The following TFCP2 variants were observed in gnomAD, a reference collection of about 807,000 sequenced individuals.
The protein encoded by TFCP2 is alpha-globin transcription factor CP2.
A neutral mutation model predicts 73.4 loss-of-function variants in TFCP2; 33 were observed. That is an observed-to-expected ratio of 0.45 (90% CI 0.34 to 0.60). TFCP2 has a LOEUF of 0.60. Ranked by LOEUF, TFCP2 falls within the 20% of genes least tolerant of loss-of-function variation. TFCP2 has a pLI of 0.01. For missense variants in TFCP2, 352 were observed against 604.0 expected (o/e 0.58, Z 4.37); for synonymous variants, 193 against 211.6 (o/e 0.91, Z 0.76).
At chr12:51,161,433 C>G (rs558079662) in intron 1 of TFCP2, among the ~76,000 whole-genome samples, 14 of 151,824 alleles carry the variant, frequency 9.2e-5, no homozygotes, top group Non-Finnish European at 1.5e-4. Context: ...GCAATCCCAG[C>G]ACTTTGGGAG....
intron 1 of TFCP2, among the ~76,000 whole-genome samples, chr12:51,149,041 A>C (rs976056372): frequency 1.4e-5 from 2 of 148,010 alleles, no homozygotes; most frequent in African/African-American, 4.9e-5. Flanking sequence ...AAAAAAAAAA[A>C]CAGAAAGAAA....
rs996340411 is a variant in TFCP2, at chr12:51,173,002, C to G, written c.-580G>C. Reference sequence around the variant, plus strand: ...GAGCCGACTTCTCGCCCTCTGTAGCCCCCCACGGCCTGGAAACATGGAAGG... The same window carrying G: ...GAGCCGACTTCTCGCCCTCTGTAGCGCCCCACGGCCTGGAAACATGGAAGG... On this transcript the variant is annotated 5_prime_UTR_variant, in exon 1 of 15. Transcript: ENST00000257915. The G allele has an allele frequency of 6.5e-6, 1 of 154,126 alleles. No homozygotes were observed. The highest frequency in any genetic ancestry group is 1.4e-5 in the Non-Finnish European group (1 of 69,156). 9.5% of individuals were successfully genotyped at this position (154,126 alleles called of 1,614,324 possible).
chr12:51,165,414 T>TAC (rs1941735950), intron 1 of TFCP2, among the ~76,000 whole-genome samples: 1 of 151,284 alleles, frequency 6.6e-6, no homozygotes, highest in African/African-American at 2.4e-5. Flanking sequence ...ACAGAAAAGA[T>TAC]ATTTGAAAAA....
chr12:51,156,517 T>C (rs1941540401), intron 1 of TFCP2, among the ~76,000 whole-genome samples: 1 of 152,124 alleles, frequency 6.6e-6, no homozygotes, highest in East Asian at 1.9e-4. Context: ...AAATCTCAAC[T>C]TGCGATTTGG....
intron 9 of TFCP2, 165 bp downstream of exon 9, chr12:51,103,990 T>C (rs1253619273): frequency 3.8e-6 from 3 of 782,198 alleles, no homozygotes. Context: ...GTTTCATATC[T>C]TTAGTCCCTA....
At chr12:51,124,661 G>A in intron 1 of TFCP2, 1 of 596,680 alleles carries the variant, frequency 1.7e-6, no homozygotes, top group Admixed American at 2.1e-5. Flanking sequence ...CTTCCAACTT[G>A]CACAGCTCCA....
intron 12 of TFCP2, 41 bp from the exon 13 acceptor site, chr12:51,098,959 G>C: frequency 6.2e-7 from 1 of 1,605,804 alleles, no homozygotes; most frequent in Non-Finnish European, 8.5e-7. Context: ...TACAAAGTTT[G>C]TCCACTCTTA....
chr12:51,152,529 T>C (rs980081993), intron 1 of TFCP2, among the ~76,000 whole-genome samples: 20 of 152,226 alleles, frequency 1.3e-4, no homozygotes, highest in Non-Finnish European at 2.6e-4. Context: ...CATTATACCA[T>C]AGTTATGTAA....
chr12:51,141,729 A>G (rs1282271084), intron 1 of TFCP2, among the ~76,000 whole-genome samples: 1 of 150,614 alleles, frequency 6.6e-6, no homozygotes, highest in East Asian at 2.0e-4. Flanking sequence ...GTGAAAACTC[A>G]TCTCTACTAA....
chr12:51,117,794 T>C (rs775090365), intron 2 of TFCP2, 47 bp from the exon 3 acceptor site: 13 of 1,351,088 alleles, frequency 9.6e-6, no homozygotes, highest in Admixed American at 1.9e-5. Context: ...AAATTAACTT[T>C]GCTAGATTCG....
chr12:51,151,682 C>T (rs137956700), intron 1 of TFCP2, among the ~76,000 whole-genome samples: 2,080 of 152,154 alleles, frequency 0.014, 50 homozygotes, highest in African/African-American at 0.048. Flanking sequence ...GTGATCCGCC[C>T]GCCTCGGCCT....
intron 1 of TFCP2, chr12:51,124,646 C>T (rs185116984): frequency 2.1e-4 from 118 of 569,638 alleles, no homozygotes; most frequent in Middle Eastern, 1.4e-3. Flanking sequence ...CGAGAGCCTC[C>T]GCGGCTTCCA....
intron 1 of TFCP2, among the ~76,000 whole-genome samples, chr12:51,135,291 G>A (rs1260613824): frequency 1.3e-5 from 2 of 151,950 alleles, no homozygotes. Context: ...GCCAGGGGTT[G>A]TGGTGGGCAC....
chr12:51,150,298 A>C (rs1035707235), intron 1 of TFCP2, among the ~76,000 whole-genome samples: 1 of 152,144 alleles, frequency 6.6e-6, no homozygotes. Context: ...GGCACCTGGA[A>C]TCCCAGCTAC....
intron 1 of TFCP2, among the ~76,000 whole-genome samples, chr12:51,163,782 G>A (rs962016418): frequency 6.6e-6 from 1 of 150,634 alleles, no homozygotes; most frequent in Admixed American, 6.6e-5. Flanking sequence ...TAAAAACAGA[G>A]ATAAAAAAAA....
At chr12:51,108,565 G>A (rs959801727) in intron 6 of TFCP2, among the ~76,000 whole-genome samples, 1 of 152,018 alleles carries the variant, frequency 6.6e-6, no homozygotes, top group Non-Finnish European at 1.5e-5. Flanking sequence ...CTTAAGCCCG[G>A]GAGTTCAAGG....
At chr12:51,143,330 C>T (rs1328762402) in intron 1 of TFCP2, among the ~76,000 whole-genome samples, 2 of 150,588 alleles carry the variant, frequency 1.3e-5, no homozygotes, top group African/African-American at 4.9e-5. Flanking sequence ...CCTTTCTCAG[C>T]AAATGGCAAC....
intron 1 of TFCP2, among the ~76,000 whole-genome samples, chr12:51,135,085 G>C (rs1941031696): frequency 6.6e-6 from 1 of 150,568 alleles, no homozygotes; most frequent in South Asian, 2.1e-4. Flanking sequence ...ATTCCAGCCT[G>C]GGCAACAGAG....
intron 1 of TFCP2, among the ~76,000 whole-genome samples, chr12:51,159,470 C>G (rs1456906094): frequency 6.6e-6 from 1 of 151,826 alleles, no homozygotes. Flanking sequence ...GCCCAAGTAG[C>G]TGGGATTACA....
Sources: gnomAD v4.1 joint callset for allele counts (sites outside exome capture counted in the v4.1 genomes callset) on GRCh38, gnomAD v4.1.1 for gene constraint, MANE v1.5 for transcripts, NCBI Gene and HGNC (gene_info 2026-07-23, HGNC 2026-07-21) for gene names.